The following ACOXL variants were observed in gnomAD, a reference collection of about 807,000 sequenced individuals.
ACOXL encodes the protein acyl-CoA oxidase like.
Under a neutral mutation model 71.9 loss-of-function variants are expected in ACOXL, and 70 were observed. The ratio of observed to expected loss-of-function variants is 0.97; its 90% CI spans 0.80 to 1.19. The LOEUF (loss-of-function observed/expected upper bound fraction) is 1.19, where lower values mean the gene tolerates loss of function less well. ACOXL is among the 50% of genes most tolerant of loss of function. The probability of loss-of-function intolerance (pLI) is 0.00; values close to 1 mark genes in which losing one functional copy is unlikely to be tolerated. For missense variants in ACOXL, 703 were observed against 736.3 expected (o/e 0.95, Z 0.52); for synonymous variants, 253 against 281.6 (o/e 0.90, Z 1.02).
intron 1 of ACOXL, 82 bp from the exon 2 acceptor site, chr2:110,768,286 T>C: frequency 9.1e-7 from 1 of 1,103,000 alleles, no homozygotes; most frequent in Non-Finnish European, 1.4e-6. Context: ...AGCTTTTCTG[T>C]CTGAGCCCGG....
At chr2:110,994,067 G>A (rs2063291117) in intron 13 of ACOXL, among the ~76,000 whole-genome samples, 3 of 152,158 alleles carry the variant, frequency 2.0e-5, no homozygotes, top group African/African-American at 7.2e-5. Flanking sequence ...CTCAGCGAGT[G>A]GGTGAGATCC....
At chr2:110,988,450 TACTG>T (rs1047894732) in intron 13 of ACOXL, among the ~76,000 whole-genome samples, 4 of 151,946 alleles carry the variant, frequency 2.6e-5, no homozygotes, top group African/African-American at 9.6e-5. Flanking sequence ...AAAAAAAAAA[TACTG>T]ACCCCAACCC....
In ACOXL at chr2:110,996,008, A is replaced by G; in HGVS notation, c.1281+4A>G. 6.3e-7 allele frequency: 1 copy of G among 1,581,592 alleles called. No individual in the cohort carries two copies. Among genetic ancestry groups the G allele is most frequent in the Non-Finnish European group, 8.5e-7 (1 of 1,170,610 alleles). On this transcript the variant is annotated splice_donor_region_variant and intron_variant, in intron 14 of 17. Transcript: ENST00000439055. ...GGTGGCCAGAATTTATTATAAGGTA[A>G]AGATACACTGTGTTATATTTTTCCT...
rs1234863485 is a variant in ACOXL, at chr2:111,019,288, A to C, written c.1282-12339A>C. 2.6e-5 allele frequency among the ~76,000 whole-genome samples: 4 copies of C among 152,212 alleles called. 1 individual carries two copies. The highest frequency in any genetic ancestry group is 7.2e-5 in the African/African-American group (3 of 41,452). On this transcript the variant is annotated intron_variant, in intron 14 of 17. Transcript: ENST00000439055. Reference sequence around the variant, plus strand: ...AACTTTCAAAATGAGGAAACTGTTAAAAAATGGGAGAAAGTATCAAACATT... The same window carrying C: ...AACTTTCAAAATGAGGAAACTGTTACAAAATGGGAGAAAGTATCAAACATT...
At chr2:110,799,220 GAGA>G (rs1685650509) in intron 7 of ACOXL, 120 bp downstream of exon 7, 2 of 921,078 alleles carry the variant, frequency 2.2e-6, no homozygotes, top group South Asian at 1.4e-5. Context: ...AACTTCCCCA[GAGA>G]AGATGTCCAG....
chr2:110,760,786 T>C (rs1198493747), intron 1 of ACOXL, among the ~76,000 whole-genome samples: 1 of 151,828 alleles, frequency 6.6e-6, no homozygotes, highest in Non-Finnish European at 1.5e-5. Context: ...GATATGATAC[T>C]TTTTTTTTCA....
At chr2:111,060,683 G>A (rs1434006235) in intron 16 of ACOXL, among the ~76,000 whole-genome samples, 1 of 152,162 alleles carries the variant, frequency 6.6e-6, no homozygotes, top group African/African-American at 2.4e-5. Context: ...CTAATATCAA[G>A]ATGACAGTGA....
At chr2:110,743,486 T>A (rs1677791303) in intron 1 of ACOXL, among the ~76,000 whole-genome samples, 1 of 152,142 alleles carries the variant, frequency 6.6e-6, no homozygotes, top group Admixed American at 6.5e-5. Context: ...ATTTACTAAT[T>A]TTTCCAGTAA....
intron 12 of ACOXL, among the ~76,000 whole-genome samples, chr2:110,952,278 C>G (rs1310479219): frequency 6.6e-6 from 1 of 151,922 alleles, no homozygotes; most frequent in Non-Finnish European, 1.5e-5. Context: ...TCCATGATAC[C>G]CTTTTCTCTT....
chr2:110,833,207 G>C (rs576699924), intron 9 of ACOXL, among the ~76,000 whole-genome samples: 10 of 152,322 alleles, frequency 6.6e-5, no homozygotes, highest in African/African-American at 2.4e-4. Context: ...AAGATGCACT[G>C]TGGTGCATCT....
chr2:110,989,194 T>C (rs2063068279), intron 13 of ACOXL, among the ~76,000 whole-genome samples: 3 of 152,304 alleles, frequency 2.0e-5, no homozygotes, highest in African/African-American at 7.2e-5. Flanking sequence ...TCTAATTTTA[T>C]TTTTCTCCTT....
chr2:111,015,316 G>T (rs1479122243), intron 14 of ACOXL, among the ~76,000 whole-genome samples: 1 of 152,076 alleles, frequency 6.6e-6, no homozygotes, highest in Non-Finnish European at 1.5e-5. Flanking sequence ...AGCTTTAAAA[G>T]ATATCTCATA....
intron 4 of ACOXL, 89 bp from the exon 5 acceptor site, chr2:110,793,987 C>CAAG (rs2105266340): frequency 7.4e-7 from 1 of 1,354,014 alleles, no homozygotes; most frequent in East Asian, 2.3e-5. Flanking sequence ...CTGTCCCTCT[C>CAAG]TCACCACCAT....
At chr2:110,846,918 T>C (rs1448403245) in intron 10 of ACOXL, among the ~76,000 whole-genome samples, 1 of 152,208 alleles carries the variant, frequency 6.6e-6, no homozygotes, top group Non-Finnish European at 1.5e-5. Flanking sequence ...GCCTCTGCCA[T>C]GACTGCCTGC....
intron 10 of ACOXL, among the ~76,000 whole-genome samples, chr2:110,846,267 T>C (rs553542801): frequency 4.0e-5 from 6 of 151,822 alleles, no homozygotes; most frequent in Non-Finnish European, 8.8e-5. Context: ...GAAGAGGGGA[T>C]GAAGGAAAGG....
chr2:111,056,720 G>A (rs1447087044), intron 16 of ACOXL, among the ~76,000 whole-genome samples: 3 of 151,062 alleles, frequency 2.0e-5, no homozygotes, highest in South Asian at 2.1e-4. Flanking sequence ...CCCAGGAGGC[G>A]GAGGTTGCAG....
intron 16 of ACOXL, among the ~76,000 whole-genome samples, chr2:111,091,478 A>G (rs1363235195): frequency 6.6e-6 from 1 of 152,216 alleles, no homozygotes; most frequent in African/African-American, 2.4e-5. Context: ...TTCTGCACCT[A>G]GAAACTCACA....
intron 10 of ACOXL, among the ~76,000 whole-genome samples, chr2:110,872,069 G>A (rs1033176213): frequency 3.9e-5 from 6 of 152,192 alleles, no homozygotes; most frequent in African/African-American, 1.4e-4. Context: ...ATGGCAGCTG[G>A]GAGCTCAACT....
At position 110,794,129 on chromosome 2, in the gene ACOXL, C is replaced by G. The variant is rs139375366; in HGVS notation, c.300C>G (p.Asn100Lys). The G allele has an allele frequency of 5.1e-5, 82 of 1,614,148 alleles. 1 individual carries two copies. In the South Asian group the frequency reaches 8.3e-4, roughly 16 times the overall value. ...FAMTERGHGS[N>K]ARGIQTEATF... ...TGACCGAGAGGGGCCATGGGAGCAA[C>G]GCGAGAGGGATCCAGACCGAAGCCA... Residue 100 changes from asparagine to lysine, a missense_variant, in exon 5 of 18, where the codon AAC becomes AAG. Coordinates refer to ENST00000439055, the MANE Select transcript of ACOXL (RefSeq NM_001142807.4).
Sources: allele counts gnomAD v4.1 joint callset (sites outside exome capture counted in the v4.1 genomes callset), GRCh38; gene constraint gnomAD v4.1.1; transcripts MANE v1.5; gene names NCBI Gene and HGNC (gene_info 2026-07-23, HGNC 2026-07-21).